The following DCDC1 variants were observed in gnomAD, a reference collection of about 807,000 sequenced individuals.
The protein encoded by DCDC1 is doublecortin domain containing 1.
A neutral mutation model predicts 178.3 loss-of-function variants in DCDC1; 200 were observed. The ratio of observed to expected loss-of-function variants is 1.12; its 90% CI spans 1.00 to 1.26. The LOEUF is 1.26. Ranked by LOEUF, DCDC1 falls within the 50% of genes most tolerant of loss-of-function variation. DCDC1 has a pLI of 0.00. For missense variants in DCDC1, 1,983 were observed against 1,749.2 expected, an observed-to-expected ratio of 1.13 and a Z score of -2.38; for synonymous variants, 690 against 604.8, an observed-to-expected ratio of 1.14 and a Z score of -2.07.
chr11:31,333,239 A>T (rs916181019), intron 2 of DCDC1, among the ~76,000 whole-genome samples: 2 of 151,976 alleles, frequency 1.3e-5, no homozygotes, highest in African/African-American at 4.8e-5. Context: ...TGCTTGGTAG[A>T]TCTCCCTTCA....
At chr11:31,284,689 A>C (rs562503348) in intron 7 of DCDC1, among the ~76,000 whole-genome samples, 40 of 151,484 alleles carry the variant, frequency 2.6e-4, no homozygotes, top group Admixed American at 1.1e-3. Context: ...CCCAGTCTGG[A>C]GTGCAGTGGC....
chr11:31,091,716 T>G (rs1283998236), intron 16 of DCDC1, among the ~76,000 whole-genome samples: 1 of 152,234 alleles, frequency 6.6e-6, no homozygotes, highest in Non-Finnish European at 1.5e-5. Flanking sequence ...GGTGGCATTT[T>G]ACAGTTCAGT....
intron 20 of DCDC1, among the ~76,000 whole-genome samples, chr11:31,023,118 T>C (rs1952995657): frequency 6.6e-6 from 1 of 152,052 alleles, no homozygotes; most frequent in African/African-American, 2.4e-5. Context: ...ATCGAGGTAA[T>C]TGCATGACAG....
At chr11:31,296,800 T>C (rs985963713) in intron 6 of DCDC1, among the ~76,000 whole-genome samples, 3 of 152,106 alleles carry the variant, frequency 2.0e-5, no homozygotes, top group Admixed American at 6.5e-5. Context: ...AAAAAGCCCC[T>C]TATAAAGCCA....
chr11:31,012,037 G>A (rs929123896), intron 20 of DCDC1, among the ~76,000 whole-genome samples: 1 of 152,098 alleles, frequency 6.6e-6, no homozygotes, highest in African/African-American at 2.4e-5. Context: ...TTGTTTAAAA[G>A]TGTGTAGCAC....
chr11:31,201,942 G>GT (rs970823144), intron 9 of DCDC1, among the ~76,000 whole-genome samples: 3 of 151,978 alleles, frequency 2.0e-5, no homozygotes, highest in African/African-American at 2.4e-5. Context: ...TACTTCTCAG[G>GT]TTTTTTTTCT....
chr11:30,961,735 C>T (rs1286504853), intron 20 of DCDC1, among the ~76,000 whole-genome samples: 1 of 151,698 alleles, frequency 6.6e-6, no homozygotes, highest in African/African-American at 2.4e-5. Flanking sequence ...AATTTAAGTA[C>T]TCCATCTCTG....
At chr11:30,934,990 G>T (rs1430829774) in intron 21 of DCDC1, among the ~76,000 whole-genome samples, 1 of 152,158 alleles carries the variant, frequency 6.6e-6, no homozygotes, top group Non-Finnish European at 1.5e-5. Context: ...TGATTAGTTT[G>T]GGAACAAATC....
In DCDC1 at chr11:31,181,585, T is replaced by A. The variant is rs192640901; in HGVS notation, c.1222-43801A>T. Among the ~76,000 whole-genome samples, 306 of 152,144 alleles carry A rather than the reference T, an allele frequency of 2.0e-3. 4 individuals carry two copies. Among genetic ancestry groups the A allele is most frequent in the East Asian group, 1.9e-3 (10 of 5,160 alleles). ...ATACCCAGGCAAACAGGGTCTGGAG[T>A]GGACCTCCAGCAAACTCTAACAGAC... On this transcript the variant is annotated intron_variant, in intron 9 of 38. Coordinates refer to ENST00000684477, the MANE Select transcript of DCDC1 (RefSeq NM_001387274.1).
chr11:31,357,271 G>A (rs1046735372), intron 1 of DCDC1, among the ~76,000 whole-genome samples: 1 of 151,568 alleles, frequency 6.6e-6, no homozygotes, highest in Non-Finnish European at 1.5e-5. Context: ...TGGGATGCAA[G>A]GCTGGTTCAA....
At position 30,881,254 on chromosome 11, in the gene DCDC1, A is replaced by G. The variant is rs1420853033; in HGVS notation, c.5137T>C (p.Tyr1713His). 1 of 1,613,564 alleles carries G rather than the reference A, an allele frequency of 6.2e-7. No homozygotes were observed. Among genetic ancestry groups the G allele is most frequent in the South Asian group, 1.1e-5 (1 of 91,076 alleles). Reference sequence around the variant, plus strand: ...TGAATTGGCTCTCCACTGGGGGTGTACAGTGCTCTAGCTGGGTGGGTCATT... The same window carrying G: ...TGAATTGGCTCTCCACTGGGGGTGTGCAGTGCTCTAGCTGGGTGGGTCATT... ...LKMTHPARAL[Y>H]TPSGEPIQSW... is the part of the protein sequence containing the mutation. Residue 1713 changes from tyrosine to histidine, a missense_variant, in exon 37 of 39, where the codon TAC becomes CAC. Transcript: ENST00000684477.
At chr11:30,931,605 A>C (rs903139534) in intron 22 of DCDC1, among the ~76,000 whole-genome samples, 166 bp downstream of exon 22, 1 of 152,164 alleles carries the variant, frequency 6.6e-6, no homozygotes, top group Non-Finnish European at 1.5e-5. Flanking sequence ...TTCCTGATGA[A>C]GAAACTAAAT....
At chr11:31,327,666 C>T (rs1299172148) in intron 3 of DCDC1, among the ~76,000 whole-genome samples, 1 of 152,082 alleles carries the variant, frequency 6.6e-6, no homozygotes, top group East Asian at 1.9e-4. Context: ...AGGAAGGGCT[C>T]TACTCTAAGC....
At chr11:30,890,204 T>C (rs894193500) in intron 36 of DCDC1, among the ~76,000 whole-genome samples, 5 of 152,220 alleles carry the variant, frequency 3.3e-5, no homozygotes, top group African/African-American at 1.2e-4. Context: ...ACACTCAGTC[T>C]AGTATTTTGT....
intron 15 of DCDC1, among the ~76,000 whole-genome samples, chr11:31,099,026 G>C (rs1428929636): frequency 1.3e-5 from 2 of 152,118 alleles, no homozygotes; most frequent in Admixed American, 6.5e-5. Flanking sequence ...ACTGTGGACT[G>C]TTATTCTCTC....
At chr11:31,112,392 T>C (rs892237439) in intron 11 of DCDC1, among the ~76,000 whole-genome samples, 10 of 152,330 alleles carry the variant, frequency 6.6e-5, no homozygotes, top group African/African-American at 2.4e-4. Context: ...ATGATTGACT[T>C]AGATACGGGA....
At chr11:31,014,243 CCCTT>C (rs1565183643) in intron 20 of DCDC1, among the ~76,000 whole-genome samples, 1 of 152,044 alleles carries the variant, frequency 6.6e-6, no homozygotes, top group Non-Finnish European at 1.5e-5. Context: ...CCCCTCCCCT[CCCTT>C]CCTCTCTTTG....
At chr11:31,213,108 T>TGC (rs1565441879) in intron 9 of DCDC1, among the ~76,000 whole-genome samples, 3 of 26,380 alleles carry the variant, frequency 1.1e-4, no homozygotes, top group Non-Finnish European at 3.2e-4. Context: ...AGCCTCTCTC[T>TGC]CTCTCTCTCT....
chr11:30,979,613 T>C (rs1288911128), intron 20 of DCDC1, among the ~76,000 whole-genome samples: 1 of 152,170 alleles, frequency 6.6e-6, no homozygotes, highest in Non-Finnish European at 1.5e-5. Flanking sequence ...TTCACACTTA[T>C]CATTTCTCAG....
Sources: gnomAD v4.1 joint callset for allele counts (sites outside exome capture counted in the v4.1 genomes callset) on GRCh38, gnomAD v4.1.1 for gene constraint, MANE v1.5 for transcripts, NCBI Gene and HGNC (gene_info 2026-07-23, HGNC 2026-07-21) for gene names.